GTF2A1: variants seen among roughly 807,000 people sequenced by gnomAD.
The protein encoded by GTF2A1 is transcription initiation factor IIA subunit 1.
A neutral mutation model predicts 54.1 loss-of-function variants in GTF2A1; 12 were observed. The observed-to-expected ratio is 0.22, with a 90% CI of 0.14 to 0.36. The LOEUF (loss-of-function observed/expected upper bound fraction) is 0.36, where lower values mean the gene tolerates loss of function less well. GTF2A1 is among the 10% of genes least tolerant of loss of function. The pLI is 1.00. For missense variants in GTF2A1, 335 were observed against 442.2 expected, an observed-to-expected ratio of 0.76 and a Z score of 2.17; for synonymous variants, 145 against 152.0, an observed-to-expected ratio of 0.95 and a Z score of 0.34.
rs564794216 is a variant in GTF2A1 at position 81,189,587 on chromosome 14, C to T, written c.933+2932G>A. ...TCAGGAGGCTGAGGCAGGAGAATGG[C>T]GTAAACCCGGGGGATGGAGCATGCA... is the stretch of plus-strand genomic sequence containing the variant. On this transcript the variant is annotated intron_variant, in intron 7 of 8. Transcript: ENST00000553612. Among the ~76,000 whole-genome samples, 12 of 152,100 alleles carry T rather than the reference C, an allele frequency of 7.9e-5. No individual in the cohort carries two copies. The East Asian group carries it at 9.7e-4, about 12-fold the overall frequency.
In GTF2A1 at chr14:81,176,141, T is replaced by C. The variant is rs1344114221; in HGVS notation, c.*4082A>G. ...TACTAGTAAGCAAAGCAAGCAACAT[T>C]TTTTTTTAAATAACATCTTTAATTA... On this transcript the variant is annotated 3_prime_UTR_variant, in exon 9 of 9. Transcript: ENST00000553612. 1 of 150,744 alleles carries C rather than the reference T, an allele frequency of 6.6e-6. No individual in the cohort carries two copies. The highest frequency in any genetic ancestry group is 2.4e-5 in the African/African-American group (1 of 40,848). 9.3% of individuals were successfully genotyped at this position (150,744 alleles called of 1,614,324 possible). A position where few individuals can be genotyped will look rare whatever the true frequency, so the allele number is the denominator to read the frequency against.
At chr14:81,221,292 C>A (rs960243648), upstream of GTF2A1, 3 of 152,286 alleles carry the variant, frequency 2.0e-5, no homozygotes, top group Non-Finnish European at 4.4e-5. Flanking sequence ...GGGACCGCCT[C>A]CTGTCGCACG....
intron 2 of GTF2A1, among the ~76,000 whole-genome samples, chr14:81,213,166 C>T (rs1893410153): frequency 1.3e-5 from 2 of 152,176 alleles, no homozygotes; most frequent in Admixed American, 1.3e-4. Context: ...GAATGCCAAC[C>T]ACATATGCCC....
chr14:81,180,370 CAGAAAACAG>C (rs1407792469), intron 8 of GTF2A1, 40 bp from the exon 9 acceptor site: 5 of 862,408 alleles, frequency 5.8e-6, no homozygotes, highest in Admixed American at 1.9e-5. Context: ...GAGATACAAT[CAGAAAACAG>C]AGAAAACAAG....
chr14:81,219,318 T>C (rs1041280211), intron 1 of GTF2A1, among the ~76,000 whole-genome samples: 1 of 152,226 alleles, frequency 6.6e-6, no homozygotes, highest in Non-Finnish European at 1.5e-5. Flanking sequence ...CGCCTGGCTC[T>C]TGCCTCGGGA....
rs746831282 is a variant in GTF2A1, at chr14:81,220,477, C to T, written c.30+12G>A. On this transcript the variant is annotated intron_variant, in intron 1 of 8. Coordinates refer to ENST00000553612, the MANE Select transcript of GTF2A1 (RefSeq NM_015859.4). ...AACGAAGCCCCCGCCGGCCACCGAA[C>T]CACGTCCTTACCACGGTGTTTGTAT... 4 of 1,565,202 alleles carry T rather than the reference C, an allele frequency of 2.6e-6. No individual in the cohort carries two copies. Among genetic ancestry groups the T allele is most frequent in the Non-Finnish European group, 3.5e-6 (4 of 1,154,318 alleles).
chr14:81,209,258 C>A (rs1450768857), intron 2 of GTF2A1, among the ~76,000 whole-genome samples: 1 of 152,152 alleles, frequency 6.6e-6, no homozygotes, highest in African/African-American at 2.4e-5. Context: ...ATAAGTCTCA[C>A]GAGATCTGAT....
chr14:81,213,213 T>C (rs1184175992), intron 2 of GTF2A1, among the ~76,000 whole-genome samples: 1 of 152,154 alleles, frequency 6.6e-6, no homozygotes, highest in Non-Finnish European at 1.5e-5. Context: ...CAAAATTGAG[T>C]AGGTCACATT....
intron 8 of GTF2A1, among the ~76,000 whole-genome samples, chr14:81,181,439 T>C (rs895813783): frequency 2.6e-5 from 4 of 152,266 alleles, no homozygotes; most frequent in African/African-American, 9.6e-5. Context: ...TGTATACTGC[T>C]ACTAAGTGAC....
intron 7 of GTF2A1, among the ~76,000 whole-genome samples, chr14:81,189,861 C>T (rs376307148): frequency 6.6e-6 from 1 of 152,154 alleles, no homozygotes; most frequent in African/African-American, 2.4e-5. Flanking sequence ...AAGATTCACA[C>T]ATCACACAGA....
upstream of GTF2A1, chr14:81,221,310 C>G (rs992737337): frequency 2.0e-5 from 3 of 152,286 alleles, no homozygotes; most frequent in Admixed American, 1.3e-4. Flanking sequence ...ACGTTTCCGC[C>G]TGGTCCCGCG....
chr14:81,217,975 C>T (rs1296356980), intron 1 of GTF2A1, among the ~76,000 whole-genome samples: 1 of 152,132 alleles, frequency 6.6e-6, no homozygotes, highest in East Asian at 1.9e-4. Context: ...GTAAAATGCA[C>T]ATTTCTATAG....
rs749970326 is a variant in GTF2A1 at position 81,203,994 on chromosome 14, A to ATGC, written c.240_242dup (p.Gln80dup). The ATGC allele has an allele frequency of 6.4e-5, 103 of 1,613,666 alleles. No homozygotes were observed. Among genetic ancestry groups the ATGC allele is most frequent in the Middle Eastern group, 4.9e-4 (3 of 6,078 alleles). On this transcript the variant is annotated inframe_insertion, in exon 3 of 9. Coordinates refer to ENST00000553612, the MANE Select transcript of GTF2A1 (RefSeq NM_015859.4). ...CTTGCTGATGATGGTGATGGTGGTG[A>ATGC]TGCTGCTGCTGCTGGGGTTGATGCT...
chr14:81,188,846 A>G (rs1432118353), intron 7 of GTF2A1, among the ~76,000 whole-genome samples: 3 of 151,788 alleles, frequency 2.0e-5, no homozygotes, highest in Non-Finnish European at 4.4e-5. Flanking sequence ...TAAGAGTTTT[A>G]TAATTTCAGC....
At chr14:81,192,446 T>C in intron 7 of GTF2A1, 73 bp downstream of exon 7, 1 of 1,106,674 alleles carries the variant, frequency 9.0e-7, no homozygotes, top group Non-Finnish European at 1.3e-6. Context: ...CAGGATATAA[T>C]TTATCAGTGT....
rs1362748247 is a variant in GTF2A1 at position 81,177,472 on chromosome 14, T to G, written c.*2751A>C. ...GGCCACCAAGCAAGAGTTTGTATAC[T>G]GAAAGGCACACATTTCCATGTTTTA... On this transcript the variant is annotated 3_prime_UTR_variant, in exon 9 of 9. Coordinates refer to ENST00000553612, the MANE Select transcript of GTF2A1 (RefSeq NM_015859.4). The G allele has an allele frequency of 6.6e-6, 1 of 152,138 alleles. No homozygotes were observed. The highest frequency in any genetic ancestry group is 1.5e-5 in the Non-Finnish European group (1 of 67,962). 9.4% of individuals were successfully genotyped at this position (152,138 alleles called of 1,614,324 possible).
At chr14:81,218,607 A>AT (rs1893538515) in intron 1 of GTF2A1, among the ~76,000 whole-genome samples, 1 of 152,156 alleles carries the variant, frequency 6.6e-6, no homozygotes, top group Non-Finnish European at 1.5e-5. Flanking sequence ...GTTTGTCCTA[A>AT]TTTTTAAAAA....
At chr14:81,193,873 C>T (rs1485099437) in intron 6 of GTF2A1, among the ~76,000 whole-genome samples, 1 of 152,080 alleles carries the variant, frequency 6.6e-6, no homozygotes, top group Non-Finnish European at 1.5e-5. Context: ...CTTTAAAATG[C>T]TTACACGTGG....
chr14:81,213,846 GTTTT>G (rs767098811), intron 2 of GTF2A1, among the ~76,000 whole-genome samples: 1 of 136,436 alleles, frequency 7.3e-6, no homozygotes, highest in Non-Finnish European at 1.6e-5. Flanking sequence ...GGGTTTTTCT[GTTTT>G]TTTTTTTTTT....
Sources: gnomAD v4.1 joint callset for allele counts (sites outside exome capture counted in the v4.1 genomes callset) on GRCh38, gnomAD v4.1.1 for gene constraint, MANE v1.5 for transcripts, NCBI Gene and HGNC (gene_info 2026-07-23, HGNC 2026-07-21) for gene names.